BRSK2: variants seen among roughly 807,000 people sequenced by gnomAD.
The protein encoded by BRSK2 is serine/threonine-protein kinase BRSK2.
A neutral mutation model predicts 83.3 loss-of-function variants in BRSK2; 19 were observed. That is an observed-to-expected ratio of 0.23 (90% CI 0.16 to 0.33). BRSK2 has a LOEUF of 0.33. BRSK2 is among the 10% of genes least tolerant of loss of function. The probability of loss-of-function intolerance (pLI) is 1.00; values close to 1 mark genes in which losing one functional copy is unlikely to be tolerated. For synonymous variants in BRSK2, 519 were observed against 435.4 expected (o/e 1.19, Z -2.39); for missense variants, 798 against 1,042.3 (o/e 0.77, Z 3.23).
intron 1 of BRSK2, 22 bp from the exon 2 acceptor site, chr11:1,436,018 C>G (rs374388843): frequency 6.3e-7 from 1 of 1,587,846 alleles, no homozygotes; most frequent in Non-Finnish European, 8.6e-7. Context: ...TGGGTCTGAG[C>G]GCGGCTGCTT....
At chr11:1,427,854 A>G (rs546230331) in intron 1 of BRSK2, among the ~76,000 whole-genome samples, 1 of 152,234 alleles carries the variant, frequency 6.6e-6, no homozygotes, top group Admixed American at 6.5e-5. Flanking sequence ...AGGGCCTCTC[A>G]CAGCACACTC....
intron 1 of BRSK2, among the ~76,000 whole-genome samples, chr11:1,403,088 C>T (rs948552020): frequency 2.6e-5 from 4 of 152,134 alleles, no homozygotes; most frequent in African/African-American, 7.2e-5. Flanking sequence ...CTCTGCCCGG[C>T]CTCTCACCCA....
At chr11:1,436,162 GCCGGC>G in intron 2 of BRSK2, 28 bp downstream of exon 2, 3 of 367,192 alleles carry the variant, frequency 8.2e-6, no homozygotes, top group East Asian at 4.6e-5. Flanking sequence ...GGGAGGCGGG[GCCGGC>G]GGTGGGGTGG....
At position 1,460,714 on chromosome 11, in the gene BRSK2, G is replaced by A; in HGVS notation, c.2202G>A (p.Glu734=). The part of the protein sequence containing the change: ...AKMGPPTARR[E]QP ...TGGGCCCGCCCACCGCCCGCCGCGA[G>A]CAGCCTTAGACACACTAGCCCCCCC... The change falls in exon 20 of 20, where the codon GAG becomes GAA. Residue 734 remains glutamate, a synonymous_variant. Transcript: ENST00000528841. The A allele has an allele frequency of 1.4e-6, 2 of 1,450,284 alleles. No homozygotes were observed. The highest frequency in any genetic ancestry group is 2.6e-5 in the East Asian group (1 of 38,460). The allele number at this position is 1,450,284 out of a possible 1,614,324, so 89.8% of individuals were successfully genotyped here. A position where few individuals can be genotyped will look rare whatever the true frequency, so the allele number is the denominator to read the frequency against.
intron 1 of BRSK2, among the ~76,000 whole-genome samples, chr11:1,401,227 GCACAT>G (rs1392795475): frequency 6.6e-6 from 1 of 152,220 alleles, no homozygotes; most frequent in Non-Finnish European, 1.5e-5. Flanking sequence ...TGTGTCCTCA[GCACAT>G]GCCCCCGGCA....
At chr11:1,421,985 T>C (rs960581119) in intron 1 of BRSK2, among the ~76,000 whole-genome samples, 4 of 151,126 alleles carry the variant, frequency 2.6e-5, no homozygotes, top group Non-Finnish European at 4.4e-5. Context: ...CGGGGCAGGC[T>C]GGGGGTGTCA....
At chr11:1,417,280 T>G (rs1848190695) in intron 1 of BRSK2, among the ~76,000 whole-genome samples, 1 of 152,186 alleles carries the variant, frequency 6.6e-6, no homozygotes, top group African/African-American at 2.4e-5. Context: ...TGCTGTGAGG[T>G]CTCCACCTCC....
At position 1,419,987 on chromosome 11, in the gene BRSK2, C is replaced by T. The variant is rs117770991; in HGVS notation, c.92-16053C>T. ...GTGCTCCCGATTCTGCTCCAGGCTCCGCGCCTCCTCCCACACCCGGGCACG... is the reference window on the plus strand; with the variant it reads ...GTGCTCCCGATTCTGCTCCAGGCTCTGCGCCTCCTCCCACACCCGGGCACG... On this transcript the variant is annotated intron_variant, in intron 1 of 19. Coordinates refer to ENST00000528841, the MANE Select transcript of BRSK2 (RefSeq NM_001256627.2). Among the ~76,000 whole-genome samples the T allele has an allele frequency of 2.1e-3, 324 of 152,238 alleles. 1 individual carries two copies. Among genetic ancestry groups the T allele is most frequent in the Non-Finnish European group, 3.7e-3 (252 of 67,970 alleles).
At chr11:1,404,977 C>A (rs957383641) in intron 1 of BRSK2, among the ~76,000 whole-genome samples, 1 of 19,506 alleles carries the variant, frequency 5.1e-5, no homozygotes, top group Non-Finnish European at 9.9e-5. Context: ...GGCAGGCGGG[C>A]GTGCAGGCCT....
At position 1,442,485 on chromosome 11, in the gene BRSK2, C is replaced by T. The variant is rs201999035; in HGVS notation, c.414-5C>T. ...CCTGTTCAGCCTCACCACCCTCCTC[C>T]CCAGCCACAGGGATCTGAAACCTGA... On this transcript the variant is annotated splice_polypyrimidine_tract_variant and splice_region_variant and intron_variant, in intron 4 of 19. Transcript: ENST00000528841. 5 of 1,611,348 alleles carry T rather than the reference C, an allele frequency of 3.1e-6. No individual in the cohort carries two copies. In the Admixed American group the frequency reaches 8.3e-5, roughly 27 times the overall value.
At chr11:1,458,148 C>G (rs532392672) in intron 18 of BRSK2, among the ~76,000 whole-genome samples, 1 of 152,180 alleles carries the variant, frequency 6.6e-6, no homozygotes, top group African/African-American at 2.4e-5. Flanking sequence ...CAGAAACGGG[C>G]CCCGGGGTAC....
At chr11:1,406,548 G>A (rs1362804389) in intron 1 of BRSK2, among the ~76,000 whole-genome samples, 1 of 152,222 alleles carries the variant, frequency 6.6e-6, no homozygotes, top group Non-Finnish European at 1.5e-5. Flanking sequence ...AATTGCATGG[G>A]GGGCGAGCGG....
chr11:1,456,714 C>T lies in BRSK2; in HGVS notation c.1939+27C>T, dbSNP rs919270203. On this transcript the variant is annotated intron_variant, in intron 18 of 19. Transcript: ENST00000528841. ...TGAGGCGGGCTCAGCTCCGGCCAACCTGCGGCCTGCGAGTGGGGCGTGGCC... is the reference window on the plus strand; with the variant it reads ...TGAGGCGGGCTCAGCTCCGGCCAACTTGCGGCCTGCGAGTGGGGCGTGGCC... 5 of 1,564,468 alleles carry T rather than the reference C, an allele frequency of 3.2e-6. No homozygotes were observed. The African/African-American group carries it at 6.7e-5, about 21-fold the overall frequency.
chr11:1,449,883 A>G (rs779326806), intron 13 of BRSK2, 47 bp downstream of exon 13: 1 of 1,388,552 alleles, frequency 7.2e-7, no homozygotes, highest in East Asian at 2.6e-5. Flanking sequence ...CAGAGGCCCC[A>G]ACCCTCCCAG....
intron 1 of BRSK2, among the ~76,000 whole-genome samples, chr11:1,425,909 G>A (rs1849160418): frequency 1.3e-5 from 2 of 152,300 alleles, no homozygotes; most frequent in East Asian, 1.9e-4. Context: ...CACCTGCCCC[G>A]GGGCCAGTGC....
At position 1,442,564 on chromosome 11, in the gene BRSK2, C is replaced by T. The variant is rs1035544645; in HGVS notation, c.488C>T (p.Ala163Val). ...NNIRIADFGM[A>V]SLQVGDSLLE... is the part of the protein sequence containing the mutation. Reference sequence around the variant, plus strand: ...ATCCGCATCGCAGACTTTGGCATGGCGTCCCTGCAGGTTGGCGACAGCCTG... The same window carrying T: ...ATCCGCATCGCAGACTTTGGCATGGTGTCCCTGCAGGTTGGCGACAGCCTG... The change falls in exon 5 of 20, where the codon GCG becomes GTG. Residue 163 changes from alanine (A) to valine (V), a missense_variant. Coordinates refer to ENST00000528841, the MANE Select transcript of BRSK2 (RefSeq NM_001256627.2). 1 of 1,612,958 alleles carries T rather than the reference C, an allele frequency of 6.2e-7. No individual in the cohort carries two copies.
At chr11:1,456,716 G>T (rs1347447121) in intron 18 of BRSK2, 29 bp downstream of exon 18, 1 of 1,564,690 alleles carries the variant, frequency 6.4e-7, no homozygotes, top group African/African-American at 1.3e-5. Context: ...CGGCCAACCT[G>T]CGGCCTGCGA....
chr11:1,402,968 C>T (rs750997513), intron 1 of BRSK2, among the ~76,000 whole-genome samples: 1 of 152,118 alleles, frequency 6.6e-6, no homozygotes, highest in African/African-American at 2.4e-5. Context: ...CACAGATGAG[C>T]GCCCTCTCCA....
In BRSK2 at chr11:1,436,019, G is replaced by A. The variant is rs368317848; in HGVS notation, c.92-21G>A. On this transcript the variant is annotated intron_variant, in intron 1 of 19. Coordinates refer to ENST00000528841, the MANE Select transcript of BRSK2 (RefSeq NM_001256627.2). The stretch of plus-strand genomic sequence containing the variant: ...GCAGGCACCCTGGGTGGGTCTGAGC[G>A]CGGCTGCTTCTCTCCCGCAGGTCTG... The A allele has an allele frequency of 1.1e-4, 173 of 1,586,746 alleles. 1 individual carries two copies. Among genetic ancestry groups the A allele is most frequent in the Non-Finnish European group, 1.1e-4 (123 of 1,164,826 alleles).
Sources: gnomAD v4.1 joint callset for allele counts (sites outside exome capture counted in the v4.1 genomes callset) on GRCh38, gnomAD v4.1.1 for gene constraint, MANE v1.5 for transcripts, NCBI Gene and HGNC (gene_info 2026-07-23, HGNC 2026-07-21) for gene names.